The following FABP12 variants were observed in gnomAD, a reference collection of about 807,000 sequenced individuals.
FABP12 encodes fatty acid binding protein 12.
In FABP12, 19 loss-of-function variants were observed where a neutral mutation model predicts 13.7. That is an observed-to-expected ratio of 1.39 (90% CI 0.97 to 2.04). FABP12 has a LOEUF of 2.04. FABP12 is among the 30% of genes most tolerant of loss of function. FABP12 has a pLI of 0.00. For synonymous variants in FABP12, 61 were observed against 57.0 expected (o/e 1.07, Z -0.32); for missense variants, 182 against 164.2 (o/e 1.11, Z -0.59).
At position 81,576,984 on chromosome 8, in the gene FABP12, A is replaced by G. The variant is rs139936710; in HGVS notation, c.-185+13069T>C. Among the ~76,000 whole-genome samples, 66 of 152,346 alleles carry G rather than the reference A, an allele frequency of 4.3e-4. 1 individual carries two copies. In the East Asian group the frequency reaches 0.012, roughly 28 times the overall value. ...GGTCACATGGCCATATACCACCTCA[A>G]TAGAACCAGGAAGTGCTGAAAACAT... On this transcript the variant is annotated intron_variant, in intron 1 of 5. Transcript: ENST00000692030.
intron 1 of FABP12, among the ~76,000 whole-genome samples, chr8:81,553,663 G>T (rs1809560673): frequency 6.6e-6 from 1 of 152,190 alleles, no homozygotes; most frequent in African/African-American, 2.4e-5. Context: ...CTAGCTCGCA[G>T]TTCAGGCTTA....
intron 1 of FABP12, among the ~76,000 whole-genome samples, chr8:81,577,057 T>A (rs1810060297): frequency 6.6e-6 from 1 of 152,202 alleles, no homozygotes; most frequent in Non-Finnish European, 1.5e-5. Context: ...TTAAAATCAG[T>A]TTTCTACTGA....
intron 2 of FABP12, among the ~76,000 whole-genome samples, chr8:81,530,743 C>A (rs546545973): frequency 1.8e-4 from 28 of 152,050 alleles, no homozygotes; most frequent in Non-Finnish European, 4.1e-4. Context: ...ATTATCAGAG[C>A]AGATCTCAAA....
At chr8:81,551,823 T>A (rs1809527837) in intron 1 of FABP12, among the ~76,000 whole-genome samples, 1 of 152,136 alleles carries the variant, frequency 6.6e-6, no homozygotes, top group African/African-American at 2.4e-5. Context: ...GATAACACTA[T>A]GTTAGAGAGG....
At chr8:81,528,782 ACT>A (rs1314513560) in intron 3 of FABP12, among the ~76,000 whole-genome samples, 1 of 151,804 alleles carries the variant, frequency 6.6e-6, no homozygotes, top group Non-Finnish European at 1.5e-5. Context: ...ATGAATGAAA[ACT>A]CTGTGTGGCA....
At chr8:81,530,053 A>G (rs1040265343) in intron 2 of FABP12, among the ~76,000 whole-genome samples, 26 of 152,310 alleles carry the variant, frequency 1.7e-4, no homozygotes, top group African/African-American at 5.3e-4. Flanking sequence ...TTACATGTAT[A>G]TATATATGGG....
At chr8:81,536,046 T>G (rs1317244674), upstream of FABP12, among the ~76,000 whole-genome samples, 2 of 152,168 alleles carry the variant, frequency 1.3e-5, no homozygotes, top group Non-Finnish European at 1.5e-5. Context: ...CTTGCCCTAT[T>G]TTATGGTGAA....
chr8:81,568,754 AAAG>A (rs1753274970), intron 1 of FABP12, among the ~76,000 whole-genome samples: 1 of 152,234 alleles, frequency 6.6e-6, no homozygotes, highest in African/African-American at 2.4e-5. Context: ...ACAAATGGAT[AAAG>A]AAAATGTAGT....
At chr8:81,538,851 ATTT>A (rs1165887901), upstream of FABP12, among the ~76,000 whole-genome samples, 1 of 151,942 alleles carries the variant, frequency 6.6e-6, no homozygotes, top group African/African-American at 2.4e-5. Flanking sequence ...TTACTTTTTA[ATTT>A]TTTTATTGTT....
At chr8:81,557,200 T>C (rs146326908) in intron 1 of FABP12, among the ~76,000 whole-genome samples, 155 of 152,232 alleles carry the variant, frequency 1.0e-3, no homozygotes, top group African/African-American at 3.7e-3. Context: ...TTAAGTACCA[T>C]ATTTCATTTC....
Position 81,573,842 on chromosome 8 carries a change from A to G in FABP12, c.-185+16211T>C, listed in dbSNP as rs531710035. 3.9e-5 allele frequency among the ~76,000 whole-genome samples: 6 copies of G among 152,254 alleles called. No homozygotes were observed. The South Asian group carries it at 1.2e-3, about 32-fold the overall frequency. Reference sequence around the variant, plus strand: ...TTTGCTGAATTCTTTTATCAGTTCTAGGAGCTTTCTGGAGGAGTCTTTGTG... The same window carrying G: ...TTTGCTGAATTCTTTTATCAGTTCTGGGAGCTTTCTGGAGGAGTCTTTGTG... On this transcript the variant is annotated intron_variant, in intron 1 of 5. Transcript: ENST00000692030.
At chr8:81,553,414 A>G (rs1809555622) in intron 1 of FABP12, among the ~76,000 whole-genome samples, 1 of 152,212 alleles carries the variant, frequency 6.6e-6, no homozygotes, top group African/African-American at 2.4e-5. Context: ...AATTTATACT[A>G]TATTTTCACA....
chr8:81,589,445 C>G (rs1212881514), intron 1 of FABP12, among the ~76,000 whole-genome samples: 1 of 152,150 alleles, frequency 6.6e-6, no homozygotes, highest in East Asian at 1.9e-4. Context: ...CTCCAGCTGA[C>G]AAAAACACAG....
chr8:81,579,562 C>A (rs1035579420), intron 1 of FABP12, among the ~76,000 whole-genome samples: 2 of 152,110 alleles, frequency 1.3e-5, no homozygotes, highest in African/African-American at 4.8e-5. Context: ...GCAATTAATT[C>A]TTGATTACTC....
intron 1 of FABP12, among the ~76,000 whole-genome samples, chr8:81,582,862 C>T (rs1464007960): frequency 6.6e-6 from 1 of 152,154 alleles, no homozygotes; most frequent in Non-Finnish European, 1.5e-5. Context: ...ATTAACCTAA[C>T]AGACATTGAC....
intron 3 of FABP12, among the ~76,000 whole-genome samples, chr8:81,528,281 G>A (rs7013537): frequency 0.18 from 27,703 of 151,880 alleles, 4,086 homozygotes; most frequent in African/African-American, 0.42. Flanking sequence ...ATCCTGCTAT[G>A]TTGTTCAGGC....
At chr8:81,581,508 G>A (rs1001672096) in intron 1 of FABP12, among the ~76,000 whole-genome samples, 1 of 152,112 alleles carries the variant, frequency 6.6e-6, no homozygotes, top group African/African-American at 2.4e-5. Flanking sequence ...TGCCAAAAAG[G>A]TCTTCTCCAT....
chr8:81,559,098 T>A (rs1482211752), intron 1 of FABP12, among the ~76,000 whole-genome samples: 1 of 152,174 alleles, frequency 6.6e-6, no homozygotes, highest in East Asian at 1.9e-4. Flanking sequence ...TATCTTGTTC[T>A]CTGAGCATTC....
intron 1 of FABP12, among the ~76,000 whole-genome samples, chr8:81,565,483 G>A (rs558338010): frequency 3.5e-4 from 53 of 152,044 alleles, no homozygotes; most frequent in South Asian, 2.3e-3. Context: ...ATTATATCGT[G>A]TATCTTCTCT....
Sources: allele counts gnomAD v4.1 joint callset (sites outside exome capture counted in the v4.1 genomes callset), GRCh38; gene constraint gnomAD v4.1.1; transcripts MANE v1.5; gene names NCBI Gene and HGNC (gene_info 2026-07-23, HGNC 2026-07-21).